CSPP1: variants seen among roughly 807,000 people sequenced by gnomAD.
CSPP1 encodes centrosome and spindle pole-associated protein 1.
Under a neutral mutation model 164.4 loss-of-function variants are expected in CSPP1, and 126 were observed. That is an observed-to-expected ratio of 0.77 (90% CI 0.66 to 0.89). The LOEUF (loss-of-function observed/expected upper bound fraction) is 0.89, where lower values mean the gene tolerates loss of function less well. Ranked by LOEUF, CSPP1 falls within the 40% of genes least tolerant of loss-of-function variation. The probability of loss-of-function intolerance (pLI) is 0.00; values close to 1 mark genes in which losing one functional copy is unlikely to be tolerated. For synonymous variants in CSPP1, 472 were observed against 476.7 expected (o/e 0.99, Z 0.13); for missense variants, 1,395 against 1,449.8 (o/e 0.96, Z 0.61).
intron 24 of CSPP1, among the ~76,000 whole-genome samples, chr8:67,169,191 T>G (rs1406902066): frequency 6.6e-6 from 1 of 152,214 alleles, no homozygotes; most frequent in Non-Finnish European, 1.5e-5. Context: ...TAGTGCTGAC[T>G]GAAGCAGCAG....
rs1333450422 is a variant in CSPP1 at position 67,195,751 on chromosome 8, AAAT to A, written c.*161_*163del. ...TTATCATGATGTATATTATGTACAT[AAAT>A]AAAAGGCCATGATTATTGATTTATA... On this transcript the variant is annotated 3_prime_UTR_variant, in exon 31 of 31. Coordinates refer to ENST00000678616, the MANE Select transcript of CSPP1 (RefSeq NM_001382391.1). The A allele has an allele frequency of 1.6e-6, 1 of 610,726 alleles. No individual in the cohort carries two copies. The highest frequency in any genetic ancestry group is 1.9e-5 in the African/African-American group (1 of 53,840). 37.8% of individuals were successfully genotyped at this position (610,726 alleles called of 1,614,324 possible).
chr8:67,105,646 A>T (rs1486533149), intron 8 of CSPP1, among the ~76,000 whole-genome samples: 2 of 152,116 alleles, frequency 1.3e-5, no homozygotes, highest in Admixed American at 1.3e-4. Context: ...GGCCTCCCAA[A>T]GTGCTGGAAT....
chr8:67,088,784 C>T (rs1810980886), intron 4 of CSPP1, among the ~76,000 whole-genome samples: 1 of 151,364 alleles, frequency 6.6e-6, no homozygotes, highest in South Asian at 2.1e-4. Flanking sequence ...GTAGTCCCAG[C>T]TACTCGGGAG....
intron 1 of CSPP1, among the ~76,000 whole-genome samples, chr8:67,068,376 A>T (rs1366229867): frequency 6.6e-6 from 1 of 152,216 alleles, no homozygotes; most frequent in South Asian, 2.1e-4. Context: ...ACTGTTTATC[A>T]TCTACATACT....
At chr8:67,162,671 C>G (rs184418177) in intron 22 of CSPP1, among the ~76,000 whole-genome samples, 1 of 151,852 alleles carries the variant, frequency 6.6e-6, no homozygotes, top group African/African-American at 2.4e-5. Context: ...GGAGGTGGGG[C>G]AAGACTAAAC....
intron 29 of CSPP1, among the ~76,000 whole-genome samples, chr8:67,191,567 T>G (rs1034922167): frequency 2.0e-5 from 3 of 152,254 alleles, no homozygotes; most frequent in African/African-American, 7.2e-5. Flanking sequence ...TGTCTTTCTT[T>G]TGAAGGTCAT....
intron 1 of CSPP1, 107 bp downstream of exon 1, chr8:67,064,645 G>A (rs1319623822): frequency 4.0e-6 from 3 of 741,664 alleles, no homozygotes; most frequent in African/African-American, 2.1e-5. Flanking sequence ...AGGTCTCGAG[G>A]CAACTAGGCC....
chr8:67,140,779 C>T (rs1314162902), intron 17 of CSPP1, among the ~76,000 whole-genome samples: 1 of 152,186 alleles, frequency 6.6e-6, no homozygotes, highest in Non-Finnish European at 1.5e-5. Context: ...GGTGGTTCTC[C>T]TCCAAGAAGT....
At chr8:67,186,363 G>A (rs1441699377) in intron 28 of CSPP1, among the ~76,000 whole-genome samples, 1 of 151,302 alleles carries the variant, frequency 6.6e-6, no homozygotes, top group African/African-American at 2.4e-5. Flanking sequence ...GGTCAGACAT[G>A]GAAATGGTGG....
chr8:67,153,473 A>C (rs1826089364), intron 18 of CSPP1, among the ~76,000 whole-genome samples: 1 of 152,136 alleles, frequency 6.6e-6, no homozygotes, highest in African/African-American at 2.4e-5. Flanking sequence ...GAGTTTTAAA[A>C]ATAAAAACGA....
intron 15 of CSPP1, among the ~76,000 whole-genome samples, chr8:67,127,711 C>T (rs187574879): frequency 1.2e-3 from 177 of 152,302 alleles, no homozygotes; most frequent in African/African-American, 4.0e-3. Flanking sequence ...AGAACATTTT[C>T]ATCCCTCCAA....
chr8:67,080,648 A>G (rs1367261157), intron 3 of CSPP1, among the ~76,000 whole-genome samples: 2 of 152,252 alleles, frequency 1.3e-5, no homozygotes, highest in Non-Finnish European at 2.9e-5. Context: ...GGTTTCCCCT[A>G]TCCCCTCAAG....
At chr8:67,085,922 CCTT>C in intron 3 of CSPP1, 82 bp from the exon 4 acceptor site, 2 of 713,066 alleles carry the variant, frequency 2.8e-6, no homozygotes, top group South Asian at 3.2e-5. Context: ...TAATTCTGTT[CCTT>C]CTTACTGTGC....
chr8:67,126,381 T>TTTGTTG (rs1172975113), intron 15 of CSPP1, among the ~76,000 whole-genome samples: 1 of 152,170 alleles, frequency 6.6e-6, no homozygotes, highest in African/African-American at 2.4e-5. Flanking sequence ...CTCCTTGTGG[T>TTTGTTG]TTGTTGTTGT....
intron 5 of CSPP1, among the ~76,000 whole-genome samples, chr8:67,093,019 A>G (rs1464982045): frequency 4.6e-5 from 7 of 152,156 alleles, no homozygotes; most frequent in Non-Finnish European, 7.3e-5. Flanking sequence ...AGGTAACCCC[A>G]TCATATCTCT....
At chr8:67,095,156 A>G in intron 6 of CSPP1, 137 bp from the exon 7 acceptor site, 1 of 476,856 alleles carries the variant, frequency 2.1e-6, no homozygotes, top group Non-Finnish European at 3.6e-6. Context: ...AAAAACGTAT[A>G]TATATATAAA....
rs896701610 is a variant in CSPP1, at chr8:67,154,078, C to T, written c.2183C>T (p.Pro728Leu). The part of the protein sequence containing the change: ...PFARGNVFGE[P>L]PTELQIKQQE... ...GCTCGGGGAAATGTATTTGGTGAGC[C>T]TCCAACTGAACTTCAGATTAAACAG... The change falls in exon 19 of 31, where the codon CCT (proline) becomes CTT (leucine). Residue 728 changes from proline (P) to leucine (L), a missense_variant. Pro to Leu is a moderately conservative substitution (Grantham distance 98). Coordinates refer to ENST00000678616, the MANE Select transcript of CSPP1 (RefSeq NM_001382391.1). 2 of 1,606,564 alleles carry T rather than the reference C, an allele frequency of 1.2e-6. No homozygotes were observed. The highest frequency in any genetic ancestry group is 1.3e-5 in the African/African-American group (1 of 74,716).
chr8:67,064,400 T>A lies in CSPP1; in HGVS notation c.-149T>A, dbSNP rs768356971. Reference sequence around the variant, plus strand: ...GGAGCCCCGGCCCGGAGGTCTGTCATGCTGTTCCCGCTCCAGGTGGCCGCT... The same window carrying A: ...GGAGCCCCGGCCCGGAGGTCTGTCAAGCTGTTCCCGCTCCAGGTGGCCGCT... On this transcript the variant is annotated 5_prime_UTR_variant, in exon 1 of 31. An upstream start codon of the reference 5' UTR is lost. Coordinates refer to ENST00000678616, the MANE Select transcript of CSPP1 (RefSeq NM_001382391.1). 3 of 1,613,406 alleles carry A rather than the reference T, an allele frequency of 1.9e-6. No homozygotes were observed. The highest frequency in any genetic ancestry group is 2.2e-5 in the South Asian group (2 of 91,038).
At chr8:67,106,616 T>C (rs144730405) in intron 9 of CSPP1, among the ~76,000 whole-genome samples, 99 of 152,340 alleles carry the variant, frequency 6.5e-4, no homozygotes, top group African/African-American at 2.2e-3. Context: ...CATTGCTGAA[T>C]ATAAGCTTGT....
Sources: gnomAD v4.1 joint callset for allele counts (sites outside exome capture counted in the v4.1 genomes callset) on GRCh38, gnomAD v4.1.1 for gene constraint, MANE v1.5 for transcripts, NCBI Gene and HGNC (gene_info 2026-07-23, HGNC 2026-07-21) for gene names.